The following SCN2A variants were observed in gnomAD, a reference collection of about 807,000 sequenced individuals.
The protein encoded by SCN2A is sodium channel protein type 2 subunit alpha.
SCN2A carries 20 observed loss-of-function variants against 188.7 expected under a neutral mutation model. The observed-to-expected ratio is 0.11, with a 90% CI of 0.07 to 0.15. The LOEUF is 0.15. Ranked by LOEUF, SCN2A falls within the 10% of genes least tolerant of loss-of-function variation. The probability of loss-of-function intolerance (pLI) is 1.00; values close to 1 mark genes in which losing one functional copy is unlikely to be tolerated. For synonymous variants in SCN2A, 804 were observed against 833.1 expected (o/e 0.97, Z 0.60); for missense variants, 1,278 against 2,445.0 (o/e 0.52, Z 10.07).
At chr2:165,301,925 C>A (rs1350955829) in intron 3 of SCN2A, among the ~76,000 whole-genome samples, 2 of 152,194 alleles carry the variant, frequency 1.3e-5, no homozygotes, top group Non-Finnish European at 2.9e-5. Flanking sequence ...CTATCAGTGG[C>A]AGAGCTAAAA....
chr2:165,338,949 G>A (rs1343479836), intron 14 of SCN2A, among the ~76,000 whole-genome samples: 2 of 152,180 alleles, frequency 1.3e-5, no homozygotes, highest in African/African-American at 4.8e-5. Context: ...AGCCGGGCGT[G>A]GAGGCTCACG....
chr2:165,308,570 T>C (rs1015318111), intron 4 of SCN2A, 96 bp from the exon 5 acceptor site: 3 of 1,318,070 alleles, frequency 2.3e-6, no homozygotes, highest in Non-Finnish European at 3.2e-6. Flanking sequence ...AACCTGGAAG[T>C]GTCTAATTTT....
At chr2:165,341,255 G>A (rs4667806) in intron 14 of SCN2A, among the ~76,000 whole-genome samples, 32,658 of 151,822 alleles carry the variant, frequency 0.22, 4,033 homozygotes, top group East Asian at 0.34. Flanking sequence ...CACCGCGCCC[G>A]GCTAATTTTT....
intron 1 of SCN2A, chr2:165,266,511 A>G (rs1426907815): frequency 6.6e-6 from 1 of 152,088 alleles, no homozygotes; most frequent in Admixed American, 6.6e-5. Flanking sequence ...AAGTTTCCCA[A>G]ACAAGAATCT....
At position 165,285,838 on chromosome 2, in the gene SCN2A, A is replaced by G. The variant is rs191177796; in HGVS notation, c.-51-9935A>G. 2.3e-4 allele frequency: 41 copies of G among 178,422 alleles called. No homozygotes were observed. The East Asian group carries it at 4.1e-3, about 18-fold the overall frequency. 11.1% of individuals were successfully genotyped at this position (178,422 alleles called of 1,614,324 possible). On this transcript the variant is annotated intron_variant, in intron 1 of 26. Transcript: ENST00000375437. ...AGTGCTGCAGGGTCAAATTGATGCT[A>G]GCAGGTCAGTGTATTGAAACTTGGC...
chr2:165,359,998 A>T (rs1411241284), intron 17 of SCN2A, among the ~76,000 whole-genome samples: 1 of 151,966 alleles, frequency 6.6e-6, no homozygotes, highest in Non-Finnish European at 1.5e-5. Flanking sequence ...TGATTTTACC[A>T]TATTCTTTTT....
At chr2:165,263,302 C>G (rs1694687843) in intron 1 of SCN2A, among the ~76,000 whole-genome samples, 1 of 151,856 alleles carries the variant, frequency 6.6e-6, no homozygotes, top group Admixed American at 6.6e-5. Flanking sequence ...GTTTTGAAGT[C>G]TTTGCCCAAG....
At chr2:165,356,987 T>C (rs1170996097) in intron 17 of SCN2A, among the ~76,000 whole-genome samples, 2 of 152,300 alleles carry the variant, frequency 1.3e-5, no homozygotes, top group East Asian at 1.9e-4. Context: ...ACAGGATTAT[T>C]TTATTGCTTG....
chr2:165,288,284 A>G (rs1294059921), intron 1 of SCN2A, among the ~76,000 whole-genome samples: 4 of 152,198 alleles, frequency 2.6e-5, no homozygotes, highest in Non-Finnish European at 5.9e-5. Context: ...GCAAGTAAAT[A>G]GCCATTGTTC....
intron 1 of SCN2A, chr2:165,266,844 A>C (rs1694888551): frequency 6.6e-6 from 1 of 152,140 alleles, no homozygotes; most frequent in African/African-American, 2.4e-5. Flanking sequence ...GTCAACATAC[A>C]AAAATCAGTA....
At chr2:165,380,851 A>G (rs1701564733) in intron 24 of SCN2A, 122 bp downstream of exon 24, 4 of 856,760 alleles carry the variant, frequency 4.7e-6, no homozygotes, top group East Asian at 2.7e-5. Context: ...TTATTTTGAG[A>G]CATTTGATAA....
At chr2:165,251,899 C>T (rs1156603496) in intron 1 of SCN2A, among the ~76,000 whole-genome samples, 2 of 151,690 alleles carry the variant, frequency 1.3e-5, no homozygotes, top group African/African-American at 4.8e-5. Flanking sequence ...TTTTTTTATC[C>T]TCACAACGAT....
At chr2:165,338,260 A>AAT (rs1699107326) in intron 14 of SCN2A, among the ~76,000 whole-genome samples, 1 of 112,622 alleles carries the variant, frequency 8.9e-6, no homozygotes, top group African/African-American at 3.5e-5. Flanking sequence ...AAAGATTTGA[A>AAT]CTTTTTTTTT....
At chr2:165,298,370 G>A (rs866276661) in intron 3 of SCN2A, among the ~76,000 whole-genome samples, 8 of 152,160 alleles carry the variant, frequency 5.3e-5, no homozygotes, top group Middle Eastern at 3.2e-3. Context: ...GGGTGGAGGG[G>A]ATGTAAAGCA....
chr2:165,293,909 C>G (rs1247821006), intron 1 of SCN2A: 1 of 964,952 alleles, frequency 1.0e-6, no homozygotes, highest in Non-Finnish European at 1.2e-6. Context: ...GTGGTAGTTA[C>G]AATAATGCCA....
chr2:165,335,948 A>C (rs1408706459), intron 14 of SCN2A, among the ~76,000 whole-genome samples: 2 of 151,892 alleles, frequency 1.3e-5, no homozygotes, highest in Non-Finnish European at 2.9e-5. Context: ...TTGAATAGAC[A>C]TATTGAAAAA....
rs912886614 is a variant in SCN2A at position 165,352,775 on chromosome 2, A to G, written c.2920-1417A>G. On this transcript the variant is annotated intron_variant, in intron 16 of 26. Coordinates refer to ENST00000375437, the MANE Select transcript of SCN2A (RefSeq NM_001040142.2). ...ACTTAAATGAATTTTATGTTTACAC[A>G]TGTGTCTCATTCTCAAGACTTGTCA... 3.3e-5 allele frequency among the ~76,000 whole-genome samples: 5 copies of G among 152,312 alleles called. No individual in the cohort carries two copies. In the East Asian group the frequency reaches 7.7e-4, roughly 23 times the overall value.
chr2:165,244,970 GA>G (rs1244119351), intron 1 of SCN2A, among the ~76,000 whole-genome samples: 1 of 56,246 alleles, frequency 1.8e-5, no homozygotes, highest in Non-Finnish European at 3.8e-5. Flanking sequence ...GAAATATCAT[GA>G]AAAAAAGAAA....
intron 1 of SCN2A, among the ~76,000 whole-genome samples, chr2:165,247,855 C>T (rs1693914062): frequency 6.6e-6 from 1 of 152,094 alleles, no homozygotes; most frequent in African/African-American, 2.4e-5. Context: ...AGTTAACATC[C>T]CTAAACTAAA....
Sources: allele counts gnomAD v4.1 joint callset (sites outside exome capture counted in the v4.1 genomes callset), GRCh38; gene constraint gnomAD v4.1.1; transcripts MANE v1.5; gene names NCBI Gene and HGNC (gene_info 2026-07-23, HGNC 2026-07-21).